NRXN3: variants seen among roughly 807,000 people sequenced by gnomAD.
The protein encoded by NRXN3 is neurexin III.
A neutral mutation model predicts 137.6 loss-of-function variants in NRXN3; 32 were observed. The observed-to-expected ratio is 0.23, with a 90% CI of 0.18 to 0.31. NRXN3 has a LOEUF of 0.31. Among genes scored for constraint, NRXN3 ranks in the 10% least tolerant of loss-of-function variants. NRXN3 has a pLI of 1.00. For synonymous variants in NRXN3, 798 were observed against 784.5 expected (o/e 1.02, Z -0.29); for missense variants, 1,574 against 2,062.5 (o/e 0.76, Z 4.59).
chr14:78,506,363 G>T (rs1567787549), intron 4 of NRXN3, among the ~76,000 whole-genome samples: 1 of 152,088 alleles, frequency 6.6e-6, no homozygotes, highest in Non-Finnish European at 1.5e-5. Flanking sequence ...ATGTTATTGC[G>T]AACAGTGCTG....
Position 79,864,482 on chromosome 14 carries a change from T to A in NRXN3, c.*2518T>A, listed in dbSNP as rs1399855917. On this transcript the variant is annotated 3_prime_UTR_variant, in exon 21 of 21. Transcript: ENST00000335750. ...GAGAAAATCTCGCACTGAAGCTAATTATGTCATATCTTATTAAAAGCCGAG... is the reference window on the plus strand; with the variant it reads ...GAGAAAATCTCGCACTGAAGCTAATAATGTCATATCTTATTAAAAGCCGAG... The A allele has an allele frequency of 6.6e-6, 1 of 152,660 alleles. No homozygotes were observed. The highest frequency in any genetic ancestry group is 1.5e-5 in the Non-Finnish European group (1 of 68,044). 9.5% of individuals were successfully genotyped at this position (152,660 alleles called of 1,614,324 possible). A position where few individuals can be genotyped will look rare whatever the true frequency, so the allele number is the denominator to read the frequency against.
Position 78,910,518 on chromosome 14 carries a change from A to G in NRXN3, c.2276-46724A>G, listed in dbSNP as rs181481920. Among the ~76,000 whole-genome samples the G allele has an allele frequency of 9.7e-4, 148 of 152,166 alleles. 1 individual carries two copies. The highest frequency in any genetic ancestry group is 3.4e-3 in the African/African-American group (142 of 41,540). On this transcript the variant is annotated intron_variant, in intron 10 of 20. Transcript: ENST00000335750. ...TTTAAAGTTGCTGCTTTTCCCACCTAGAGCATTTTCCCCCAAGATAGTCAC... is the reference window on the plus strand; with the variant it reads ...TTTAAAGTTGCTGCTTTTCCCACCTGGAGCATTTTCCCCCAAGATAGTCAC...
chr14:78,869,808 A>C (rs993721163), intron 10 of NRXN3, among the ~76,000 whole-genome samples: 3 of 152,192 alleles, frequency 2.0e-5, no homozygotes, highest in Non-Finnish European at 2.9e-5. Flanking sequence ...AAAGCATGGT[A>C]GGGAAAGTTT....
At chr14:79,530,849 G>T (rs2153718814) in intron 16 of NRXN3, among the ~76,000 whole-genome samples, 1 of 152,214 alleles carries the variant, frequency 6.6e-6, no homozygotes, top group East Asian at 1.9e-4. Context: ...ACCATTTGTT[G>T]TGCTCCCTTT....
chr14:78,333,454 A>G (rs2081076252), intron 4 of NRXN3, among the ~76,000 whole-genome samples: 2 of 152,180 alleles, frequency 1.3e-5, no homozygotes, highest in Admixed American at 1.3e-4. Flanking sequence ...CTACTGGGAG[A>G]GTAGGGTAGA....
intron 4 of NRXN3, among the ~76,000 whole-genome samples, chr14:78,308,518 G>T (rs2077602716): frequency 6.6e-6 from 1 of 152,106 alleles, no homozygotes; most frequent in South Asian, 2.1e-4. Flanking sequence ...CACAGACACA[G>T]ATTATTAAAC....
chr14:79,767,923 C>T (rs980347481), intron 19 of NRXN3, among the ~76,000 whole-genome samples: 21 of 152,298 alleles, frequency 1.4e-4, no homozygotes, highest in African/African-American at 2.9e-4. Flanking sequence ...ATGCACCGTG[C>T]GCGAGCCAAA....
rs1229430359 is a variant in NRXN3 at position 79,866,541 on chromosome 14, T to C, written c.*4577T>C. The C allele has an allele frequency of 3.3e-5, 5 of 152,226 alleles. No individual in the cohort carries two copies. The highest frequency in any genetic ancestry group is 9.6e-5 in the African/African-American group (4 of 41,522). The allele number at this position is 152,226 out of a possible 1,614,324, so 9.4% of individuals were successfully genotyped here. A position where few individuals can be genotyped will look rare whatever the true frequency, so the allele number is the denominator to read the frequency against. On this transcript the variant is annotated 3_prime_UTR_variant, in exon 21 of 21. Coordinates refer to ENST00000335750, the MANE Select transcript of NRXN3 (RefSeq NM_001330195.2). ...AGCAGGATCAAAACCATAATTTGGA[T>C]TGATGACAGACTGCAAAAAGTACAT...
chr14:78,419,894 A>G (rs2093346348), intron 4 of NRXN3, among the ~76,000 whole-genome samples: 1 of 151,916 alleles, frequency 6.6e-6, no homozygotes, highest in Non-Finnish European at 1.5e-5. Flanking sequence ...ATTCATAGTC[A>G]GGACTTTACA....
intron 10 of NRXN3, among the ~76,000 whole-genome samples, chr14:78,823,442 A>G (rs1328953059): frequency 6.6e-6 from 1 of 152,150 alleles, no homozygotes; most frequent in Non-Finnish European, 1.5e-5. Context: ...AGGGGTTACC[A>G]CCTAGATGAA....
chr14:78,534,151 AG>A (rs1442295652), intron 4 of NRXN3, among the ~76,000 whole-genome samples: 4 of 152,216 alleles, frequency 2.6e-5, no homozygotes, highest in African/African-American at 9.6e-5. Context: ...AATGACTTCT[AG>A]AAAGTCTGTA....
At chr14:78,213,535 T>A (rs1183805878) in intron 1 of NRXN3, among the ~76,000 whole-genome samples, 5 of 152,146 alleles carry the variant, frequency 3.3e-5, no homozygotes, top group Non-Finnish European at 7.3e-5. Flanking sequence ...TGATGGGAAG[T>A]CCCCAAGCAA....
chr14:79,793,788 C>T (rs1419696467), intron 19 of NRXN3, among the ~76,000 whole-genome samples: 1 of 152,132 alleles, frequency 6.6e-6, no homozygotes, highest in Non-Finnish European at 1.5e-5. Context: ...ACCATTCGTC[C>T]TTATATTGTG....
rs187961318 is a variant in NRXN3 at position 78,239,532 on chromosome 14, G to A, written c.-703-2859G>A. ...TCCTACCCTCCTGTTATCCATGTCC[G>A]GCTTCATGTCTTCCACTCACTCCGC... On this transcript the variant is annotated intron_variant, in intron 1 of 20. Coordinates refer to ENST00000335750, the MANE Select transcript of NRXN3 (RefSeq NM_001330195.2). Among the ~76,000 whole-genome samples the A allele has an allele frequency of 7.2e-5, 11 of 152,094 alleles. No individual in the cohort carries two copies. In the South Asian group the frequency reaches 8.3e-4, roughly 11 times the overall value.
chr14:79,555,270 G>C (rs541009786), intron 16 of NRXN3, among the ~76,000 whole-genome samples: 1 of 152,284 alleles, frequency 6.6e-6, no homozygotes, highest in South Asian at 2.1e-4. Context: ...GGATGAGATA[G>C]CATTTGGGGA....
chr14:78,836,741 C>T (rs1438763411), intron 10 of NRXN3, among the ~76,000 whole-genome samples: 1 of 152,074 alleles, frequency 6.6e-6, no homozygotes, highest in African/African-American at 2.4e-5. Context: ...TGCACAATTA[C>T]TTTTATGTAT....
intron 15 of NRXN3, among the ~76,000 whole-genome samples, chr14:79,032,146 T>A (rs1407569015): frequency 6.6e-6 from 1 of 152,166 alleles, no homozygotes; most frequent in African/African-American, 2.4e-5. Context: ...AAAAGTCAAC[T>A]CTATGCAATT....
chr14:78,966,001 G>C, intron 11 of NRXN3, 24 bp from the exon 12 acceptor site: 1 of 1,604,514 alleles, frequency 6.2e-7, no homozygotes, highest in Admixed American at 1.7e-5. Flanking sequence ...TTTTCTGTTT[G>C]TACCTCATTT....
chr14:78,970,733 A>T (rs1441455466), intron 14 of NRXN3, among the ~76,000 whole-genome samples: 1 of 152,146 alleles, frequency 6.6e-6, no homozygotes, highest in Non-Finnish European at 1.5e-5. Context: ...CCCTATCTAC[A>T]GCTCTATGTG....
Sources: gnomAD v4.1 joint callset for allele counts (sites outside exome capture counted in the v4.1 genomes callset) on GRCh38, gnomAD v4.1.1 for gene constraint, MANE v1.5 for transcripts, NCBI Gene and HGNC (gene_info 2026-07-23, HGNC 2026-07-21) for gene names.